The following SLC30A8 variants were observed in gnomAD, a reference collection of about 807,000 sequenced individuals.
SLC30A8 encodes proton-coupled zinc antiporter SLC30A8.
A neutral mutation model predicts 36.9 loss-of-function variants in SLC30A8; 27 were observed. The ratio of observed to expected loss-of-function variants is 0.73; its 90% CI spans 0.54 to 1.01. The LOEUF is 1.01. SLC30A8 is among the 50% of genes least tolerant of loss of function. SLC30A8 has a pLI of 0.00. For missense variants in SLC30A8, 439 were observed against 452.0 expected, an observed-to-expected ratio of 0.97 and a Z score of 0.26; for synonymous variants, 164 against 172.4, an observed-to-expected ratio of 0.95 and a Z score of 0.38.
At chr8:116,996,477 A>G (rs992358535) in intron 1 of SLC30A8, among the ~76,000 whole-genome samples, 1 of 152,198 alleles carries the variant, frequency 6.6e-6, no homozygotes, top group Non-Finnish European at 1.5e-5. Flanking sequence ...GTTACCTCAC[A>G]TACTTATTTT....
At chr8:116,959,094 C>A (rs1814324305) in intron 1 of SLC30A8, among the ~76,000 whole-genome samples, 1 of 152,022 alleles carries the variant, frequency 6.6e-6, no homozygotes, top group Non-Finnish European at 1.5e-5. Context: ...CGTGATCTGC[C>A]CGCCTCGGCC....
chr8:116,971,263 TTAAAA>T (rs1367726736), intron 1 of SLC30A8, among the ~76,000 whole-genome samples: 8 of 151,910 alleles, frequency 5.3e-5, no homozygotes, highest in African/African-American at 1.7e-4. Flanking sequence ...ATCCCAGAAC[TTAAAA>T]TAAAATAGTA....
At chr8:116,973,635 T>C (rs1814870459) in intron 1 of SLC30A8, among the ~76,000 whole-genome samples, 1 of 152,170 alleles carries the variant, frequency 6.6e-6, no homozygotes, top group Non-Finnish European at 1.5e-5. Flanking sequence ...ATAGATTCAG[T>C]GCCATCCCCA....
At chr8:117,125,041 A>T (rs969669884) in intron 2 of SLC30A8, among the ~76,000 whole-genome samples, 13 of 152,070 alleles carry the variant, frequency 8.5e-5, no homozygotes, top group Admixed American at 4.6e-4. Context: ...TAACATCAGA[A>T]TTTCTTTTTA....
chr8:117,066,087 C>T (rs1034385568), intron 2 of SLC30A8, among the ~76,000 whole-genome samples: 3 of 152,214 alleles, frequency 2.0e-5, no homozygotes, highest in Non-Finnish European at 4.4e-5. Context: ...CATCATCTTT[C>T]TATCACTTGC....
At chr8:117,060,199 C>T (rs1817987871) in intron 2 of SLC30A8, among the ~76,000 whole-genome samples, 1 of 151,916 alleles carries the variant, frequency 6.6e-6, no homozygotes, top group East Asian at 1.9e-4. Flanking sequence ...ATTTATAGAG[C>T]TCAGGAGATA....
intron 1 of SLC30A8, among the ~76,000 whole-genome samples, chr8:117,037,562 C>T (rs948091989): frequency 2.0e-5 from 3 of 152,170 alleles, no homozygotes; most frequent in African/African-American, 7.2e-5. Flanking sequence ...GATATTTCTA[C>T]AATTTTTTTT....
At chr8:117,141,889 T>C (rs1821669712) in intron 1 of SLC30A8, among the ~76,000 whole-genome samples, 1 of 152,188 alleles carries the variant, frequency 6.6e-6, no homozygotes. Context: ...AAGTGGTTTA[T>C]ATGAATTAGC....
At chr8:117,007,703 C>T (rs942698105) in intron 1 of SLC30A8, among the ~76,000 whole-genome samples, 20 of 152,138 alleles carry the variant, frequency 1.3e-4, no homozygotes, top group Admixed American at 1.3e-4. Flanking sequence ...GGATACCTAT[C>T]GATTTCCATT....
chr8:117,084,099 A>G (rs561465647), intron 2 of SLC30A8, among the ~76,000 whole-genome samples: 3 of 152,212 alleles, frequency 2.0e-5, no homozygotes, highest in Non-Finnish European at 4.4e-5. Flanking sequence ...TAATGGATCT[A>G]TTTAATAGAT....
In SLC30A8 at chr8:117,110,968, G is replaced by A. The variant is rs546369198; in HGVS notation, c.-225-24312G>A. On this transcript the variant is annotated intron_variant, in intron 2 of 10. Transcript: ENST00000427715. ...GGCAAGTCCATGAAAAGGTAGCCAG[G>A]TAACATGGCATAGTGATTAATGGCT... Among the ~76,000 whole-genome samples the A allele has an allele frequency of 1.4e-3, 220 of 152,202 alleles. 2 individuals are homozygous for A. Among genetic ancestry groups the A allele is most frequent in the African/African-American group, 4.9e-3 (204 of 41,536 alleles).
chr8:117,168,095 CA>C (rs1823155513), intron 6 of SLC30A8, among the ~76,000 whole-genome samples: 1 of 139,076 alleles, frequency 7.2e-6, no homozygotes, highest in Admixed American at 6.9e-5. Flanking sequence ...CCCCATGATT[CA>C]ATTATCTTCA....
chr8:116,985,187 T>C (rs979940436), intron 1 of SLC30A8, among the ~76,000 whole-genome samples: 1 of 151,958 alleles, frequency 6.6e-6, no homozygotes, highest in Admixed American at 6.6e-5. Flanking sequence ...AAATTTGCCT[T>C]TACTTCTTCC....
At chr8:117,162,283 C>G (rs986078140) in intron 5 of SLC30A8, among the ~76,000 whole-genome samples, 3 of 151,794 alleles carry the variant, frequency 2.0e-5, no homozygotes, top group Non-Finnish European at 4.4e-5. Context: ...ATTTTTTTTT[C>G]TGTTTTTGTC....
intron 2 of SLC30A8, among the ~76,000 whole-genome samples, chr8:117,072,552 G>A (rs1586469502): frequency 6.6e-6 from 1 of 152,070 alleles, no homozygotes; most frequent in Admixed American, 6.6e-5. Context: ...AGATTTTCCA[G>A]TTCTTTATAT....
At chr8:116,999,189 G>A (rs1456194690) in intron 1 of SLC30A8, among the ~76,000 whole-genome samples, 2 of 152,176 alleles carry the variant, frequency 1.3e-5, no homozygotes, top group South Asian at 2.1e-4. Context: ...AATCCAGGAG[G>A]CAGAGGTCGC....
intron 2 of SLC30A8, among the ~76,000 whole-genome samples, chr8:117,067,778 T>G (rs1351684426): frequency 6.6e-6 from 1 of 152,204 alleles, no homozygotes; most frequent in Non-Finnish European, 1.5e-5. Context: ...TCCTCCTTTC[T>G]TCTATAACCT....
intron 4 of SLC30A8, among the ~76,000 whole-genome samples, chr8:117,160,973 T>G (rs1451592672): frequency 6.6e-6 from 1 of 152,258 alleles, no homozygotes; most frequent in Non-Finnish European, 1.5e-5. Context: ...AGTGAAAATG[T>G]TCTAATTTTA....
intron 1 of SLC30A8, among the ~76,000 whole-genome samples, chr8:116,973,119 G>A (rs1400417430): frequency 2.0e-5 from 3 of 152,174 alleles, no homozygotes. Flanking sequence ...ACAAGAAGAT[G>A]CCTTCTATGA....
Sources: gnomAD v4.1 joint callset for allele counts (sites outside exome capture counted in the v4.1 genomes callset) on GRCh38, gnomAD v4.1.1 for gene constraint, MANE v1.5 for transcripts, NCBI Gene and HGNC (gene_info 2026-07-23, HGNC 2026-07-21) for gene names.